Variants in ASB15 observed in about 807,000 individuals in gnomAD.
ASB15 encodes ankyrin repeat and SOCS box containing 15, also known as ankyrin repeat and SOCS box protein 15.
A neutral mutation model predicts 58.0 loss-of-function variants in ASB15; 54 were observed. The observed-to-expected ratio is 0.93, with a 90% CI of 0.75 to 1.17. The LOEUF (loss-of-function observed/expected upper bound fraction) is 1.17, where lower values mean the gene tolerates loss of function less well. Among genes scored for constraint, ASB15 ranks in the 50% most tolerant of loss-of-function variants. ASB15 has a pLI of 0.00. For missense variants in ASB15, 680 were observed against 707.4 expected (o/e 0.96, Z 0.44); for synonymous variants, 249 against 262.4 (o/e 0.95, Z 0.50).
Position 123,638,427 on chromosome 7 carries a change from A to G in ASB15, c.*1446A>G, listed in dbSNP as rs1802524633. 6.6e-6 allele frequency: 1 copy of G among 151,988 alleles called. No individual in the cohort carries two copies. Among genetic ancestry groups the G allele is most frequent in the East Asian group, 1.9e-4 (1 of 5,186 alleles). The allele number at this position is 151,988 out of a possible 1,614,324, so 9.4% of individuals were successfully genotyped here. ...TACACTAATAGGTTTTATTGTGTTT[A>G]TTTTTCAAAAAGAGTCATTAAAAAA... On this transcript the variant is annotated 3_prime_UTR_variant, in exon 12 of 12. Transcript: ENST00000451215.
chr7:123,580,151 A>G (rs561682046), intron 1 of ASB15, among the ~76,000 whole-genome samples: 3 of 152,126 alleles, frequency 2.0e-5, no homozygotes, highest in African/African-American at 4.8e-5. Context: ...ACTGAAGGAA[A>G]TGGGGGAGTG....
rs879220302 is a variant in ASB15, at chr7:123,639,313, T to C, written c.*2332T>C. On this transcript the variant is annotated 3_prime_UTR_variant, in exon 12 of 12. Transcript: ENST00000451215. Reference sequence around the variant, plus strand: ...TGTAAGTTAAACTGTAATGTATTTATATTTAATTGCAACATCTTGTATACA... The same window carrying C: ...TGTAAGTTAAACTGTAATGTATTTACATTTAATTGCAACATCTTGTATACA... The C allele has an allele frequency of 6.6e-6, 1 of 152,212 alleles. No individual in the cohort carries two copies. Among genetic ancestry groups the C allele is most frequent in the Admixed American group, 6.5e-5 (1 of 15,280 alleles). The allele number at this position is 152,212 out of a possible 1,614,324, so 9.4% of individuals were successfully genotyped here.
chr7:123,570,692 G>A (rs1312978917), intron 1 of ASB15, among the ~76,000 whole-genome samples: 1 of 149,454 alleles, frequency 6.7e-6, no homozygotes, highest in African/African-American at 2.5e-5. Flanking sequence ...TATTAGTTCT[G>A]CAAGGAACCA....
chr7:123,601,221 C>T (rs1438919684), upstream of ASB15, among the ~76,000 whole-genome samples: 1 of 152,104 alleles, frequency 6.6e-6, no homozygotes, highest in African/African-American at 2.4e-5. Context: ...AACAACCTTC[C>T]TCAATTAAAA....
intron 1 of ASB15, among the ~76,000 whole-genome samples, chr7:123,570,174 A>G (rs1463273677): frequency 6.6e-6 from 1 of 151,626 alleles, no homozygotes. Flanking sequence ...AGCTGGGACC[A>G]CAGGCGCCCG....
chr7:123,616,410 G>A lies in ASB15; in HGVS notation c.207G>A (p.Met69Ile), dbSNP rs111686992. The A allele has an allele frequency of 3.3e-4, 536 of 1,606,874 alleles. No homozygotes were observed. The highest frequency in any genetic ancestry group is 4.0e-4 in the Non-Finnish European group (467 of 1,173,902). ...LQEYVKYKYA[M>I]DEADEKGWFP... is the part of the protein sequence containing the mutation. The stretch of plus-strand genomic sequence containing the variant: ...AGTATGTAAAATATAAATATGCAAT[G>A]GATGAAGCTGATGAAAAAGGATGGT... The change falls in exon 6 of 12, where the codon ATG (methionine) becomes ATA (isoleucine). Residue 69 changes from methionine (M) to isoleucine (I), a missense_variant. Met to Ile is a conservative substitution (Grantham distance 10). Coordinates refer to ENST00000451215, the MANE Select transcript of ASB15 (RefSeq NM_001290258.2).
At chr7:123,611,477 T>C (rs1475742849) in intron 3 of ASB15, among the ~76,000 whole-genome samples, 2 of 151,838 alleles carry the variant, frequency 1.3e-5, no homozygotes, top group African/African-American at 4.8e-5. Flanking sequence ...TATTTTTTTT[T>C]AGTAGAGACG....
chr7:123,574,665 T>C (rs1013690877), intron 1 of ASB15, among the ~76,000 whole-genome samples: 32 of 152,180 alleles, frequency 2.1e-4, no homozygotes, highest in Admixed American at 2.1e-3. Flanking sequence ...CTCATTCTAC[T>C]TGCCAATTCC....
At chr7:123,633,707 C>G (rs1442382748) in intron 11 of ASB15, among the ~76,000 whole-genome samples, 1 of 152,176 alleles carries the variant, frequency 6.6e-6, no homozygotes, top group African/African-American at 2.4e-5. Context: ...ATGAGCATTC[C>G]TACGACCCAG....
At chr7:123,592,812 T>C (rs1799578196) in intron 1 of ASB15, among the ~76,000 whole-genome samples, 1 of 151,682 alleles carries the variant, frequency 6.6e-6, no homozygotes, top group Admixed American at 6.6e-5. Context: ...TGAATTCAAG[T>C]CCTGGATATC....
At chr7:123,578,080 C>T (rs887241004) in intron 1 of ASB15, among the ~76,000 whole-genome samples, 1 of 149,388 alleles carries the variant, frequency 6.7e-6, no homozygotes, top group African/African-American at 2.5e-5. Context: ...GTGTGAAGTT[C>T]CCCTCCCTGT....
chr7:123,623,983 GAA>G (rs1157080025), intron 7 of ASB15, among the ~76,000 whole-genome samples: 26 of 132,050 alleles, frequency 2.0e-4, no homozygotes, highest in Non-Finnish European at 3.2e-4. Flanking sequence ...AAGAAAGAAA[GAA>G]AGAAAGAAAG....
At position 123,581,389 on chromosome 7, in the gene ASB15, A is replaced by G. The variant is rs913776904; in HGVS notation, c.-443+14301A>G. Among the ~76,000 whole-genome samples the G allele has an allele frequency of 5.3e-5, 8 of 151,010 alleles. No homozygotes were observed. In the Admixed American group the frequency reaches 5.3e-4, roughly 10 times the overall value. On this transcript the variant is annotated intron_variant, in intron 1 of 13. Transcript: ENST00000451558. ...TTGTGAGAGTGTGGGAGTGAAAACA[A>G]AACATGATCATTCAAGTGAGCACTT...
At chr7:123,625,566 G>A (rs1043032034) in intron 8 of ASB15, among the ~76,000 whole-genome samples, 1 of 152,156 alleles carries the variant, frequency 6.6e-6, no homozygotes, top group African/African-American at 2.4e-5. Flanking sequence ...TCAGGTCCTT[G>A]CCTTTATCTC....
upstream of ASB15, among the ~76,000 whole-genome samples, chr7:123,598,158 G>C (rs1042775916): frequency 1.3e-5 from 2 of 151,882 alleles, no homozygotes; most frequent in Admixed American, 1.3e-4. Context: ...CAAATGCAAT[G>C]GTTTCCCTCA....
At chr7:123,597,926 G>GTGTA (rs61062402), upstream of ASB15, among the ~76,000 whole-genome samples, 2,248 of 149,368 alleles carry the variant, frequency 0.015, 30 homozygotes, top group African/African-American at 0.03. Context: ...TCGTGTGTGT[G>GTGTA]TGTGTGTGTG....
rs1800910141 is a variant in ASB15 at position 123,617,627 on chromosome 7, C to G, written c.341C>G (p.Pro114Arg). Residue 114 changes from proline to arginine, a missense_variant, in exon 7 of 12, where the codon CCC (proline) becomes CGC (arginine). Transcript: ENST00000451215. ...TTCAAGACCTGTGATGGAGAAACACCCTTGACTTTGGCAGTCAAAGCTGGT... is the reference window on the plus strand; with the variant it reads ...TTCAAGACCTGTGATGGAGAAACACGCTTGACTTTGGCAGTCAAAGCTGGT... ...WEFKTCDGET[P>R]LTLAVKAGLV... The G allele has an allele frequency of 9.9e-6, 16 of 1,611,098 alleles. No individual in the cohort carries two copies. Among genetic ancestry groups the G allele is most frequent in the Non-Finnish European group, 1.3e-5 (15 of 1,177,298 alleles).
At chr7:123,626,612 A>G (rs1412632387) in intron 8 of ASB15, among the ~76,000 whole-genome samples, 1 of 152,222 alleles carries the variant, frequency 6.6e-6, no homozygotes, top group Non-Finnish European at 1.5e-5. Flanking sequence ...AGATTTTAAT[A>G]AAACAAACCA....
At chr7:123,612,109 T>C (rs189531629) in intron 3 of ASB15, among the ~76,000 whole-genome samples, 2 of 152,336 alleles carry the variant, frequency 1.3e-5, no homozygotes, top group East Asian at 3.9e-4. Context: ...TGAAAGGCTC[T>C]GTATCCTATT....
Sources: gnomAD v4.1 joint callset for allele counts (sites outside exome capture counted in the v4.1 genomes callset) on GRCh38, gnomAD v4.1.1 for gene constraint, MANE v1.5 for transcripts, NCBI Gene and HGNC (gene_info 2026-07-23, HGNC 2026-07-21) for gene names.